EYA1: variants seen among roughly 807,000 people sequenced by gnomAD.
EYA1 encodes the protein protein phosphatase EYA1.
A neutral mutation model predicts 82.0 loss-of-function variants in EYA1; 16 were observed. The observed-to-expected ratio is 0.20, with a 90% CI of 0.13 to 0.30. The LOEUF is 0.30. Ranked by LOEUF, EYA1 falls within the 10% of genes least tolerant of loss-of-function variation. The probability of loss-of-function intolerance (pLI) is 1.00; values close to 1 mark genes in which losing one functional copy is unlikely to be tolerated. For missense variants in EYA1, 633 were observed against 730.7 expected (o/e 0.87, Z 1.54); for synonymous variants, 261 against 264.4 (o/e 0.99, Z 0.12).
At chr8:71,457,634 C>T (rs1396193150) in intron 2 of EYA1, among the ~76,000 whole-genome samples, 1 of 152,058 alleles carries the variant, frequency 6.6e-6, no homozygotes, top group African/African-American at 2.4e-5. Flanking sequence ...AGCTGGAAAC[C>T]ATCATTCTTA....
At chr8:71,432,350 G>T (rs530815051) in intron 2 of EYA1, among the ~76,000 whole-genome samples, 1 of 152,096 alleles carries the variant, frequency 6.6e-6, no homozygotes, top group Non-Finnish European at 1.5e-5. Flanking sequence ...AAAAAGAAAC[G>T]GTATATGACT....
At chr8:71,262,569 G>A (rs747580938) in intron 11 of EYA1, among the ~76,000 whole-genome samples, 1 of 152,186 alleles carries the variant, frequency 6.6e-6, no homozygotes, top group Non-Finnish European at 1.5e-5. Context: ...GAGCAAGGGA[G>A]GTCCAAAGTT....
In EYA1 at chr8:71,511,104, T is replaced by G. The variant is rs117408545; in HGVS notation, c.33+24640A>C. Among the ~76,000 whole-genome samples, 301 of 152,180 alleles carry G rather than the reference T, an allele frequency of 2.0e-3. 2 individuals carry two copies. The highest frequency in any genetic ancestry group is 0.015 in the East Asian group (80 of 5,168). On this transcript the variant is annotated intron_variant, in intron 2 of 18. Transcript: ENST00000643681. Reference sequence around the variant, plus strand: ...CTCCTAAAAAGCCTTCCTCACTTAGTCTCTTTAAACTGCCCTATACATAAA... The same window carrying G: ...CTCCTAAAAAGCCTTCCTCACTTAGGCTCTTTAAACTGCCCTATACATAAA...
intron 12 of EYA1, chr8:71,225,354 C>T (rs777034447): frequency 2.2e-5 from 10 of 455,742 alleles, no homozygotes; most frequent in East Asian, 1.4e-4. Context: ...CACTGGCAAT[C>T]GCTGGCAGAC....
At chr8:71,468,553 G>T (rs1808941752) in intron 2 of EYA1, among the ~76,000 whole-genome samples, 2 of 152,076 alleles carry the variant, frequency 1.3e-5, no homozygotes, top group South Asian at 4.1e-4. Flanking sequence ...TATACACAGT[G>T]CCACTGAATT....
intron 4 of EYA1, among the ~76,000 whole-genome samples, chr8:71,327,394 T>C (rs1269633211): frequency 6.6e-6 from 1 of 152,218 alleles, no homozygotes; most frequent in East Asian, 1.9e-4. Context: ...TCACCAGACA[T>C]CAACTAGCAG....
chr8:71,331,954 C>T (rs1823927941), intron 4 of EYA1, among the ~76,000 whole-genome samples: 1 of 152,104 alleles, frequency 6.6e-6, no homozygotes, highest in Non-Finnish European at 1.5e-5. Flanking sequence ...CTCAAGTGAT[C>T]TTCCAGTCTC....
At chr8:71,389,196 C>T (rs1287190036) in intron 2 of EYA1, among the ~76,000 whole-genome samples, 1 of 151,934 alleles carries the variant, frequency 6.6e-6, no homozygotes, top group Non-Finnish European at 1.5e-5. Flanking sequence ...AGGGAATGCT[C>T]ATGATATTTT....
chr8:71,461,552 C>T (rs918452846), intron 2 of EYA1, among the ~76,000 whole-genome samples: 1 of 152,214 alleles, frequency 6.6e-6, no homozygotes, highest in African/African-American at 2.4e-5. Context: ...CAGGTCTGGG[C>T]TCCCTGGAGG....
chr8:71,465,154 T>C (rs2129194921), intron 2 of EYA1, among the ~76,000 whole-genome samples: 1 of 152,352 alleles, frequency 6.6e-6, no homozygotes, highest in South Asian at 2.1e-4. Context: ...CAGAAAGGAT[T>C]GAGGACAAAT....
chr8:71,419,382 T>G (rs1831025418), intron 2 of EYA1, among the ~76,000 whole-genome samples: 1 of 152,186 alleles, frequency 6.6e-6, no homozygotes, highest in Non-Finnish European at 1.5e-5. Context: ...AATTATATAT[T>G]CACAAGACCT....
chr8:71,402,812 G>A (rs1308356895), intron 2 of EYA1, among the ~76,000 whole-genome samples: 1 of 151,938 alleles, frequency 6.6e-6, no homozygotes, highest in African/African-American at 2.4e-5. Flanking sequence ...AAATATATAT[G>A]GATATTAATT....
rs770110631 is a variant in EYA1, at chr8:71,299,040, T to A, written c.826+7A>T. 2 of 1,612,464 alleles carry A rather than the reference T, an allele frequency of 1.2e-6. No individual in the cohort carries two copies. The highest frequency in any genetic ancestry group is 1.7e-5 in the Admixed American group (1 of 59,998). ...ACCTGCAGGACTAATAATATTCACATAATTACCTGCTGTGGGATCTGTAAC... is the reference window on the plus strand; with the variant it reads ...ACCTGCAGGACTAATAATATTCACAAAATTACCTGCTGTGGGATCTGTAAC... On this transcript the variant is annotated splice_region_variant and intron_variant, in intron 9 of 17. Transcript: ENST00000340726.
At position 71,269,659 on chromosome 8, in the gene EYA1, A is replaced by G. The variant is rs149530491; in HGVS notation, c.1050+81T>C. 5.0e-6 allele frequency: 5 copies of G among 995,040 alleles called. No individual in the cohort carries two copies. The Admixed American group carries it at 1.0e-4, about 20-fold the overall frequency. The allele number at this position is 995,040 out of a possible 1,614,324, so 61.6% of individuals were successfully genotyped here. A position where few individuals can be genotyped will look rare whatever the true frequency, so the allele number is the denominator to read the frequency against. ...TATATTTTAAATTTGTTAAAGTTAA[A>G]TTACATTCATTTGGATAATAAACAA... is the stretch of plus-strand genomic sequence containing the variant. On this transcript the variant is annotated intron_variant, in intron 11 of 17. Transcript: ENST00000340726.
chr8:71,411,984 G>A (rs1830616593), intron 2 of EYA1, among the ~76,000 whole-genome samples: 1 of 151,952 alleles, frequency 6.6e-6, no homozygotes, highest in Admixed American at 6.6e-5. Flanking sequence ...CAAGCCAAAT[G>A]TCCAAAAACG....
intron 1 of EYA1, among the ~76,000 whole-genome samples, chr8:71,545,990 C>G (rs1815536807): frequency 6.6e-6 from 1 of 152,162 alleles, no homozygotes; most frequent in Non-Finnish European, 1.5e-5. Context: ...TTCATTTTGT[C>G]TGACATCCAT....
At chr8:71,321,097 A>AT (rs1822486068) in intron 6 of EYA1, among the ~76,000 whole-genome samples, 1 of 152,164 alleles carries the variant, frequency 6.6e-6, no homozygotes, top group African/African-American at 2.4e-5. Flanking sequence ...TGTTGGATTT[A>AT]TTTTTAATTT....
At chr8:71,454,670 C>T (rs917717716) in intron 2 of EYA1, among the ~76,000 whole-genome samples, 3 of 152,230 alleles carry the variant, frequency 2.0e-5, no homozygotes, top group African/African-American at 7.2e-5. Context: ...TGAATGACTA[C>T]TGGGTACATA....
chr8:71,221,221 C>G (rs941568779), intron 12 of EYA1, among the ~76,000 whole-genome samples: 2 of 152,010 alleles, frequency 1.3e-5, no homozygotes, highest in Admixed American at 6.6e-5. Flanking sequence ...GGAGATGGTT[C>G]CTAACAACTG....
Sources: gnomAD v4.1 joint callset for allele counts (sites outside exome capture counted in the v4.1 genomes callset) on GRCh38, gnomAD v4.1.1 for gene constraint, MANE v1.5 for transcripts, NCBI Gene and HGNC (gene_info 2026-07-23, HGNC 2026-07-21) for gene names.